Variants in IDO1 observed in about 807,000 individuals in gnomAD.
IDO1 encodes the protein indolamine 2,3 dioxygenase.
Under a neutral mutation model 38.8 loss-of-function variants are expected in IDO1, and 35 were observed. That is an observed-to-expected ratio of 0.90 (90% CI 0.69 to 1.20). The LOEUF is 1.20. Ranked by LOEUF, IDO1 falls within the 50% of genes most tolerant of loss-of-function variation. The pLI is 0.00. For missense variants in IDO1, 509 were observed against 485.1 expected (o/e 1.05, Z -0.46); for synonymous variants, 171 against 170.0 (o/e 1.01, Z -0.05).
Position 39,925,362 on chromosome 8 carries a change from G to A in IDO1, c.847G>A (p.Ala283Thr). ...CGTCCTGCTGGGCATCCAGCAGACT[G>A]CTGGTGGAGGTGAGTGGAAAATAAC... is the stretch of plus-strand genomic sequence containing the variant. ...FDVLLGIQQT[A>T]GGGHAAQFLQ... Residue 283 changes from alanine (A) to threonine (T), a missense_variant, in exon 9 of 10, where the codon GCT becomes ACT. Transcript: ENST00000518237. The A allele has an allele frequency of 1.2e-6, 2 of 1,612,028 alleles. No homozygotes were observed. The highest frequency in any genetic ancestry group is 1.7e-6 in the Non-Finnish European group (2 of 1,179,138).
Position 39,915,458 on chromosome 8 carries a change from C to T in IDO1, c.87+1449C>T, listed in dbSNP as rs146368226. ...ACCTAACTGTGCTTAGAAATGAAAT[C>T]CTGTAAACAATTTGGTGATACTGGC... On this transcript the variant is annotated intron_variant, in intron 1 of 9. Transcript: ENST00000518237. Among the ~76,000 whole-genome samples the T allele has an allele frequency of 6.3e-3, 962 of 152,254 alleles. 7 individuals are homozygous for T. The highest frequency in any genetic ancestry group is 0.022 in the African/African-American group (908 of 41,546).
chr8:39,918,035 A>G, intron 2 of IDO1, 53 bp from the exon 3 acceptor site: 1 of 1,612,218 alleles, frequency 6.2e-7, no homozygotes, highest in Non-Finnish European at 8.5e-7. Flanking sequence ...TTGGTTTTGA[A>G]GCATAAAACA....
At chr8:39,919,735 G>A (rs1807241880) in intron 4 of IDO1, among the ~76,000 whole-genome samples, 1 of 152,104 alleles carries the variant, frequency 6.6e-6, no homozygotes, top group Non-Finnish European at 1.5e-5. Flanking sequence ...AGCTACACAG[G>A]GAGTTAAGGC....
chr8:39,927,246 C>T (rs1807375696), intron 9 of IDO1, among the ~76,000 whole-genome samples: 1 of 152,066 alleles, frequency 6.6e-6, no homozygotes, highest in Non-Finnish European at 1.5e-5. Flanking sequence ...CAGCTTCTTA[C>T]AGTAGAAAAG....
chr8:39,914,212 A>G (rs1366379982), intron 1 of IDO1: 2 of 481,290 alleles, frequency 4.2e-6, no homozygotes, highest in Middle Eastern at 4.9e-4. Flanking sequence ...TCATCTATGC[A>G]TTTCTTACTT....
rs1443156854 is a variant in IDO1, at chr8:39,922,510, A to G, written c.438-42A>G. 2.4e-6 allele frequency: 3 copies of G among 1,261,032 alleles called. No individual in the cohort carries two copies. The African/African-American group carries it at 4.4e-5, about 19-fold the overall frequency. 78.1% of individuals were successfully genotyped at this position (1,261,032 alleles called of 1,614,324 possible). A position where few individuals can be genotyped will look rare whatever the true frequency, so the allele number is the denominator to read the frequency against. ...TAAAAATGTCAAAAAATATCCCATA[A>G]TTTTTGCTAAACTTCTTGCCTTCCT... On this transcript the variant is annotated intron_variant, in intron 5 of 9. Transcript: ENST00000518237.
chr8:39,919,687 A>C (rs548036210), intron 4 of IDO1, among the ~76,000 whole-genome samples: 41 of 152,300 alleles, frequency 2.7e-4, no homozygotes, highest in Non-Finnish European at 5.3e-4. Flanking sequence ...TTTTTAAAAA[A>C]AAATTCACCG....
chr8:39,919,770 G>A (rs1807243499), intron 4 of IDO1, among the ~76,000 whole-genome samples: 1 of 152,168 alleles, frequency 6.6e-6, no homozygotes, highest in Non-Finnish European at 1.5e-5. Flanking sequence ...AGCCCAAGAA[G>A]TTGAGGCTGC....
At position 39,928,150 on chromosome 8, in the gene IDO1, A is replaced by T; in HGVS notation, c.1177A>T (p.Ser393Cys). ...DLMNFLKTVR[S>C]TTEKSLLKEG Reference sequence around the variant, plus strand: ...AATGAATTTCCTGAAGACTGTAAGAAGTACAACTGAGAAATCCCTTTTGAA... The same window carrying T: ...AATGAATTTCCTGAAGACTGTAAGATGTACAACTGAGAAATCCCTTTTGAA... Residue 393 changes from serine (S) to cysteine (C), a missense_variant, in exon 10 of 10, where the codon AGT becomes TGT. Transcript: ENST00000518237. The T allele has an allele frequency of 6.2e-7, 1 of 1,612,538 alleles. No individual in the cohort carries two copies. The highest frequency in any genetic ancestry group is 8.5e-7 in the Non-Finnish European group (1 of 1,179,302).
chr8:39,919,163 T>G, intron 4 of IDO1: 1 of 658,376 alleles, frequency 1.5e-6, no homozygotes, highest in Non-Finnish European at 2.8e-6. Context: ...AAATCTTAAG[T>G]GTTCAGCTTG....
Position 39,923,528 on chromosome 8 carries a change from G to A in IDO1, c.597G>A (p.Ala199=), listed in dbSNP as rs759243166. The change falls in exon 7 of 10, where the codon GCG becomes GCA. Residue 199 remains alanine, a synonymous_variant. Transcript: ENST00000518237. The part of the protein sequence containing the change: ...QMQERDTLLK[A]LLEIASCLEK... The stretch of plus-strand genomic sequence containing the variant: ...AAGAACGGGACACTTTGCTAAAGGC[G>A]CTGTTGGAAATAGCTTCTTGCTTGG... 18 of 1,612,948 alleles carry A rather than the reference G, an allele frequency of 1.1e-5. No homozygotes were observed. The highest frequency in any genetic ancestry group is 1.7e-5 in the Admixed American group (1 of 59,964).
At position 39,927,657 on chromosome 8, in the gene IDO1, C is replaced by T. The variant is rs185892118; in HGVS notation, c.857-173C>T. Among the ~76,000 whole-genome samples the T allele has an allele frequency of 2.0e-3, 300 of 151,742 alleles. 2 individuals are homozygous for T. The highest frequency in any genetic ancestry group is 4.4e-3 in the Admixed American group (67 of 15,230). ...AATTAATAATATTTTACAATAATTA[C>T]GATTGCTAGTAGCAAGACTAATAGC... On this transcript the variant is annotated intron_variant, in intron 9 of 9. Transcript: ENST00000518237.
intron 7 of IDO1, among the ~76,000 whole-genome samples, chr8:39,924,228 C>T (rs572114995): frequency 1.5e-4 from 23 of 152,030 alleles, no homozygotes; most frequent in East Asian, 1.4e-3. Context: ...AGACTGAGTG[C>T]GGTGGCTCAT....
At position 39,928,004 on chromosome 8, in the gene IDO1, G is replaced by A; in HGVS notation, c.1031G>A (p.Ser344Asn). ...GTGAAAGCTCTGGTCTCCCTGAGGA[G>A]CTACCATCTGCAAATCGTGACTAAG... ...ACVKALVSLR[S>N]YHLQIVTKYI... Residue 344 changes from serine (S) to asparagine (N), a missense_variant, in exon 10 of 10, where the codon AGC becomes AAC. Physicochemically the swap from Ser to Asn is conservative, Grantham distance 46. Transcript: ENST00000518237. 6.2e-7 allele frequency: 1 copy of A among 1,605,964 alleles called. No homozygotes were observed. The highest frequency in any genetic ancestry group is 8.5e-7 in the Non-Finnish European group (1 of 1,176,182).
chr8:39,915,605 C>G (rs1807163178), intron 1 of IDO1: 1 of 152,116 alleles, frequency 6.6e-6, no homozygotes, highest in African/African-American at 2.4e-5. Context: ...TCATGCAAAA[C>G]AATAATACTC....
At chr8:39,919,117 A>G (rs1807230305) in intron 4 of IDO1, 184 bp downstream of exon 4, 5 of 732,950 alleles carry the variant, frequency 6.8e-6, no homozygotes, top group Non-Finnish European at 1.0e-5. Flanking sequence ...ATGTACACAT[A>G]TGTGACAGGT....
rs1222886546 is a variant in IDO1 at position 39,923,517 on chromosome 8, T to G, written c.586T>G (p.Leu196Val). The G allele has an allele frequency of 6.2e-7, 1 of 1,613,672 alleles. No individual in the cohort carries two copies. Among genetic ancestry groups the G allele is most frequent in the African/African-American group, 1.3e-5 (1 of 74,930 alleles). ...AATGCAAATGCAAGAACGGGACACT[T>G]TGCTAAAGGCGCTGTTGGAAATAGC... Reference protein sequence around the residue: ...KAMQMQERDTLLKALLEIASC... With the variant: ...KAMQMQERDTVLKALLEIASC... The change falls in exon 7 of 10, where the codon TTG becomes GTG. Residue 196 changes from leucine (L) to valine (V), a missense_variant. Transcript: ENST00000518237.
Position 39,917,939 on chromosome 8 carries a change from A to T in IDO1, c.152A>T (p.Glu51Val), listed in dbSNP as rs1265722807. ...GCTAAACATCTGCCTGATCTCATAG[A>T]GTCTGGCCAGCTTCGAGAAAGAGTT... is the stretch of plus-strand genomic sequence containing the variant. ...FIAKHLPDLI[E>V]SGQLRERVEK... is the part of the protein sequence containing the mutation. The change falls in exon 2 of 10, where the codon GAG becomes GTG. Residue 51 changes from glutamate to valine, a missense_variant. Coordinates refer to ENST00000518237, the MANE Select transcript of IDO1 (RefSeq NM_002164.6). 6.2e-7 allele frequency: 1 copy of T among 1,613,062 alleles called. No homozygotes were observed. The highest frequency in any genetic ancestry group is 2.2e-5 in the East Asian group (1 of 44,874).
chr8:39,915,457 T>C (rs1250949397), intron 1 of IDO1, among the ~76,000 whole-genome samples: 2 of 152,192 alleles, frequency 1.3e-5, no homozygotes, highest in Non-Finnish European at 2.9e-5. Context: ...AGAAATGAAA[T>C]CCTGTAAACA....
Sources: allele counts gnomAD v4.1 joint callset (sites outside exome capture counted in the v4.1 genomes callset), GRCh38; gene constraint gnomAD v4.1.1; transcripts MANE v1.5; gene names NCBI Gene and HGNC (gene_info 2026-07-23, HGNC 2026-07-21).